The following NEGR1 variants were observed in gnomAD, a reference collection of about 807,000 sequenced individuals.
NEGR1 encodes the protein neuronal growth regulator 1, also known as IgLON family member 4.
Under a neutral mutation model 40.9 loss-of-function variants are expected in NEGR1, and 10 were observed. The ratio of observed to expected loss-of-function variants is 0.24; its 90% CI spans 0.15 to 0.42. The LOEUF (loss-of-function observed/expected upper bound fraction) is 0.42, where lower values mean the gene tolerates loss of function less well. Among genes scored for constraint, NEGR1 ranks in the 10% least tolerant of loss-of-function variants. The pLI is 1.00. For synonymous variants in NEGR1, 185 were observed against 166.8 expected, an observed-to-expected ratio of 1.11 and a Z score of -0.84; for missense variants, 352 against 438.9, an observed-to-expected ratio of 0.80 and a Z score of 1.77.
intron 1 of NEGR1, among the ~76,000 whole-genome samples, chr1:71,996,143 T>A (rs1409928434): frequency 6.6e-6 from 1 of 152,140 alleles, no homozygotes; most frequent in Non-Finnish European, 1.5e-5. Flanking sequence ...ACTGGATGTA[T>A]AATAAATATG....
chr1:72,086,625 C>T (rs1648231055), intron 1 of NEGR1, among the ~76,000 whole-genome samples: 1 of 152,122 alleles, frequency 6.6e-6, no homozygotes, highest in Non-Finnish European at 1.5e-5. Flanking sequence ...GCTGAGTAGG[C>T]AGTGCTATAA....
At chr1:71,693,605 A>G (rs566518981) in intron 4 of NEGR1, among the ~76,000 whole-genome samples, 2 of 151,768 alleles carry the variant, frequency 1.3e-5, no homozygotes, top group African/African-American at 4.8e-5. Flanking sequence ...TACAGAAGTG[A>G]AAACTGAGAG....
chr1:71,845,128 G>A (rs1046606937), intron 2 of NEGR1, among the ~76,000 whole-genome samples: 1 of 152,088 alleles, frequency 6.6e-6, no homozygotes, highest in African/African-American at 2.4e-5. Flanking sequence ...CATTTTAATT[G>A]CACAGTATGC....
At chr1:71,722,356 A>T (rs1654536961) in intron 3 of NEGR1, among the ~76,000 whole-genome samples, 1 of 152,084 alleles carries the variant, frequency 6.6e-6, no homozygotes, top group Non-Finnish European at 1.5e-5. Flanking sequence ...TATTTTTATT[A>T]ATTTAATTTA....
intron 2 of NEGR1, among the ~76,000 whole-genome samples, chr1:71,838,783 A>C (rs1659131152): frequency 6.6e-6 from 1 of 152,174 alleles, no homozygotes; most frequent in Non-Finnish European, 1.5e-5. Flanking sequence ...GCCTAGAATA[A>C]ATGGCCTGAA....
chr1:71,545,039 C>T (rs958432259), intron 6 of NEGR1, among the ~76,000 whole-genome samples: 1 of 151,512 alleles, frequency 6.6e-6, no homozygotes, highest in African/African-American at 2.4e-5. Context: ...TTATTTCATG[C>T]CAGAAAGACT....
intron 4 of NEGR1, among the ~76,000 whole-genome samples, chr1:71,688,966 A>T (rs745357736): frequency 1.3e-5 from 2 of 152,110 alleles, no homozygotes; most frequent in East Asian, 1.9e-4. Context: ...ATAGTTTATA[A>T]GTGACTGAGC....
chr1:72,281,733 T>C (rs963788985), intron 1 of NEGR1, among the ~76,000 whole-genome samples: 3 of 144,950 alleles, frequency 2.1e-5, no homozygotes, highest in African/African-American at 7.7e-5. Context: ...AAACAGAAAA[T>C]AGAAAAGGTA....
chr1:71,905,902 T>C (rs1661261921), intron 2 of NEGR1, among the ~76,000 whole-genome samples: 1 of 149,748 alleles, frequency 6.7e-6, no homozygotes, highest in South Asian at 2.1e-4. Flanking sequence ...AAAATTCCAG[T>C]GCTTTAGTTT....
intron 5 of NEGR1, among the ~76,000 whole-genome samples, chr1:71,599,454 G>GAGGA (rs779879923): frequency 2.6e-5 from 4 of 152,164 alleles, no homozygotes; most frequent in Non-Finnish European, 5.9e-5. Flanking sequence ...TGAAAGGGAG[G>GAGGA]AGGAGGAGCA....
At chr1:71,970,375 T>C (rs913812858) in intron 1 of NEGR1, among the ~76,000 whole-genome samples, 1 of 152,154 alleles carries the variant, frequency 6.6e-6, no homozygotes, top group Non-Finnish European at 1.5e-5. Context: ...GGAGAATGCA[T>C]ATTTTGTGTT....
chr1:72,001,117 C>T (rs1470051610), intron 1 of NEGR1, among the ~76,000 whole-genome samples: 1 of 152,084 alleles, frequency 6.6e-6, no homozygotes, highest in Non-Finnish European at 1.5e-5. Flanking sequence ...GGTACAGTTA[C>T]CAGAAATTCG....
At chr1:72,128,746 TTAACA>T (rs959418741) in intron 1 of NEGR1, among the ~76,000 whole-genome samples, 17 of 152,164 alleles carry the variant, frequency 1.1e-4, no homozygotes, top group African/African-American at 3.6e-4. Flanking sequence ...CAATATTTGG[TTAACA>T]TTGCCCAAAT....
chr1:72,177,283 G>A (rs892962887), intron 1 of NEGR1, among the ~76,000 whole-genome samples: 1 of 152,014 alleles, frequency 6.6e-6, no homozygotes, highest in African/African-American at 2.4e-5. Context: ...AGGCACAGGT[G>A]ATATGATGTG....
chr1:71,996,199 C>T (rs1159444175), intron 1 of NEGR1, among the ~76,000 whole-genome samples: 1 of 151,976 alleles, frequency 6.6e-6, no homozygotes, highest in East Asian at 1.9e-4. Context: ...ATGTAAAAAT[C>T]AAGCCAATTT....
chr1:71,548,849 T>G (rs1040360111), intron 6 of NEGR1, among the ~76,000 whole-genome samples: 2 of 151,738 alleles, frequency 1.3e-5, no homozygotes, highest in Non-Finnish European at 3.0e-5. Flanking sequence ...TTTTCAAATA[T>G]ATATTATTTG....
intron 4 of NEGR1, among the ~76,000 whole-genome samples, chr1:71,677,267 C>A (rs775477697): frequency 3.8e-4 from 58 of 152,038 alleles, no homozygotes; most frequent in Non-Finnish European, 6.0e-4. Context: ...ACAATCTGGT[C>A]TCCGGATAGG....
intron 1 of NEGR1, among the ~76,000 whole-genome samples, chr1:72,075,512 C>G (rs1002869880): frequency 6.6e-6 from 1 of 152,128 alleles, no homozygotes; most frequent in Non-Finnish European, 1.5e-5. Context: ...TCTGAGCTCT[C>G]AGGCACAATT....
intron 1 of NEGR1, among the ~76,000 whole-genome samples, chr1:72,200,338 A>G (rs2100445456): frequency 6.6e-6 from 1 of 152,130 alleles, no homozygotes; most frequent in South Asian, 2.1e-4. Flanking sequence ...ATGTAGCCAT[A>G]AAAAAGAATG....
Sources: gnomAD v4.1 joint callset for allele counts (sites outside exome capture counted in the v4.1 genomes callset) on GRCh38, gnomAD v4.1.1 for gene constraint, MANE v1.5 for transcripts, NCBI Gene and HGNC (gene_info 2026-07-23, HGNC 2026-07-21) for gene names.